The following DDX1 variants were observed in gnomAD, a reference collection of about 807,000 sequenced individuals.
DDX1 encodes the protein DEAD-box helicase 1.
Under a neutral mutation model 108.7 loss-of-function variants are expected in DDX1, and 28 were observed. That is an observed-to-expected ratio of 0.26 (90% CI 0.19 to 0.35). The LOEUF (loss-of-function observed/expected upper bound fraction) is 0.35. Ranked by LOEUF, DDX1 falls within the 10% of genes least tolerant of loss-of-function variation. The pLI is 1.00. For missense variants in DDX1, 710 were observed against 884.5 expected, an observed-to-expected ratio of 0.80 and a Z score of 2.50; for synonymous variants, 295 against 288.9, an observed-to-expected ratio of 1.02 and a Z score of -0.21.
chr2:15,600,644 A>C (rs1010767689), intron 6 of DDX1, among the ~76,000 whole-genome samples: 1 of 152,022 alleles, frequency 6.6e-6, no homozygotes, highest in African/African-American at 2.4e-5. Context: ...ATGTAGTCTC[A>C]CATCAAGGGC....
chr2:15,628,343 C>T (rs1666132813), intron 20 of DDX1, 102 bp from the exon 21 acceptor site: 1 of 844,678 alleles, frequency 1.2e-6, no homozygotes, highest in Non-Finnish European at 1.9e-6. Flanking sequence ...GATAGTAACA[C>T]TTGAGTTTTT....
Position 15,629,656 on chromosome 2 carries a change from A to T in DDX1, c.1930A>T (p.Lys644Ter). 1 of 1,589,374 alleles carries T rather than the reference A, an allele frequency of 6.3e-7. No individual in the cohort carries two copies. Among genetic ancestry groups the T allele is most frequent in the Non-Finnish European group, 8.5e-7 (1 of 1,172,604 alleles). The stretch of plus-strand genomic sequence containing the variant: ...AAAAGGGTGTTATAACACAAGACTC[A>T]AGGAAGATGGAGGCTGTACCATATG... The part of the protein sequence containing the change: ...RGKGCYNTRL[K>*]EDGGCTIWYN... The change falls in exon 24 of 26, where the codon AAG becomes TAG. Residue 644 changes from lysine to a stop codon, truncating the protein, a stop_gained. Transcript: ENST00000233084. LOFTEE classifies it high-confidence loss of function.
At chr2:15,610,554 G>T (rs748106064) in intron 13 of DDX1, among the ~76,000 whole-genome samples, 2 of 152,192 alleles carry the variant, frequency 1.3e-5, no homozygotes, top group Non-Finnish European at 2.9e-5. Flanking sequence ...AGGGTACTGT[G>T]AAAAGTGAGT....
At chr2:15,609,775 T>C (rs576388492) in intron 13 of DDX1, among the ~76,000 whole-genome samples, 88 of 152,194 alleles carry the variant, frequency 5.8e-4, no homozygotes, top group Non-Finnish European at 1.1e-3. Context: ...TTTAGGACAA[T>C]AGTCCAAACC....
At chr2:15,628,889 G>T (rs1200429070) in intron 23 of DDX1, 50 bp downstream of exon 23, 1 of 1,542,042 alleles carries the variant, frequency 6.5e-7, no homozygotes, top group South Asian at 1.1e-5. Flanking sequence ...TGTGATTTTA[G>T]ATGTTGGAAA....
intron 1 of DDX1, among the ~76,000 whole-genome samples, chr2:15,592,296 T>G (rs1013119462): frequency 5.3e-5 from 8 of 152,302 alleles, no homozygotes; most frequent in South Asian, 2.1e-4. Flanking sequence ...CCTCTTAACG[T>G]GGCAGTGACC....
In DDX1 at chr2:15,611,456, G is replaced by C. The variant is rs558333848; in HGVS notation, c.957-1768G>C. Among the ~76,000 whole-genome samples the C allele has an allele frequency of 7.5e-5, 11 of 146,174 alleles. No homozygotes were observed. The South Asian group carries it at 2.4e-3, about 32-fold the overall frequency. On this transcript the variant is annotated intron_variant, in intron 13 of 25. Transcript: ENST00000233084. Reference sequence around the variant, plus strand: ...GAGGGGCTCCTCACCTCCCAGTAGGGACGGCCGGGCAGAGGCTCCCCCCAC... The same window carrying C: ...GAGGGGCTCCTCACCTCCCAGTAGGCACGGCCGGGCAGAGGCTCCCCCCAC...
intron 13 of DDX1, 139 bp from the exon 14 acceptor site, chr2:15,613,085 C>A: frequency 1.7e-6 from 1 of 599,880 alleles, no homozygotes; most frequent in Non-Finnish European, 2.9e-6. Flanking sequence ...TTCCCCCAGA[C>A]TTGTTTTATT....
chr2:15,608,361 C>G (rs1408890706), intron 13 of DDX1, among the ~76,000 whole-genome samples: 2 of 152,080 alleles, frequency 1.3e-5, no homozygotes, highest in Non-Finnish European at 2.9e-5. Flanking sequence ...AACCCCATCT[C>G]TACTAAAATA....
intron 5 of DDX1, among the ~76,000 whole-genome samples, chr2:15,597,681 T>C (rs1263360830): frequency 6.6e-6 from 1 of 152,180 alleles, no homozygotes; most frequent in African/African-American, 2.4e-5. Flanking sequence ...ACTAATAGTG[T>C]TCCCTTTGAG....
intron 5 of DDX1, among the ~76,000 whole-genome samples, chr2:15,598,755 A>G (rs1426489544): frequency 6.6e-6 from 1 of 152,222 alleles, no homozygotes; most frequent in Non-Finnish European, 1.5e-5. Context: ...CCGTGAGTGG[A>G]AAGTTGGTCT....
At position 15,606,130 on chromosome 2, in the gene DDX1, T is replaced by C. The variant is rs757075045; in HGVS notation, c.703-20T>C. 17 of 1,599,628 alleles carry C rather than the reference T, an allele frequency of 1.1e-5. No homozygotes were observed. Among genetic ancestry groups the C allele is most frequent in the Non-Finnish European group, 1.5e-5 (17 of 1,168,380 alleles). On this transcript the variant is annotated intron_variant, in intron 11 of 25. Transcript: ENST00000233084. The stretch of plus-strand genomic sequence containing the variant: ...TCAATTAGGGTAGGAATTTTAATTT[T>C]CTGTTTTATTCAATGCTAGAATGCT...
chr2:15,607,215 T>C lies in DDX1; in HGVS notation c.858T>C (p.Ala286=). The change falls in exon 13 of 26, where the codon GCT becomes GCC. Residue 286 remains alanine (A), a synonymous_variant. Coordinates refer to ENST00000233084, the MANE Select transcript of DDX1 (RefSeq NM_004939.3). ...CACAAACAAAGTTTCTCCCCAATGCTCCGAAAGCTCTCATTGTTGAACCTT... is the reference window on the plus strand; with the variant it reads ...CACAAACAAAGTTTCTCCCCAATGCCCCGAAAGCTCTCATTGTTGAACCTT... The part of the protein sequence containing the change: ...QVTQTKFLPN[A]PKALIVEPSR... 6.2e-7 allele frequency: 1 copy of C among 1,614,036 alleles called. No individual in the cohort carries two copies.
chr2:15,630,707 C>T, intron 25 of DDX1, 69 bp from the exon 26 acceptor site: 1 of 1,528,940 alleles, frequency 6.5e-7, no homozygotes. Context: ...TATAATTGAG[C>T]CAAAGTATTG....
rs564691233 is a variant in DDX1, at chr2:15,610,184, C to T, written c.956+2871C>T. On this transcript the variant is annotated intron_variant, in intron 13 of 25. Transcript: ENST00000233084. ...TGGCCTCAAGCAATCCTTGTGTCTC[C>T]GCCTCCGAAAGTGCTGGATTATAGG... 5.9e-5 allele frequency among the ~76,000 whole-genome samples: 9 copies of T among 152,140 alleles called. No individual in the cohort carries two copies. The South Asian group carries it at 8.3e-4, about 14-fold the overall frequency.
At chr2:15,595,590 G>T (rs776831826) in intron 3 of DDX1, 37 bp downstream of exon 3, 22 of 1,400,352 alleles carry the variant, frequency 1.6e-5, no homozygotes, top group Admixed American at 5.0e-5. Flanking sequence ...GGTAGCTGGG[G>T]ACACACTCTA....
At chr2:15,629,953 G>T (rs1381057682) in intron 24 of DDX1, 37 bp from the exon 25 acceptor site, 2 of 1,546,702 alleles carry the variant, frequency 1.3e-6, no homozygotes, top group South Asian at 1.2e-5. Context: ...CTTTCTAAAT[G>T]AAATTTTTAT....
At chr2:15,592,009 G>A in intron 1 of DDX1, 60 bp downstream of exon 1, 1 of 1,340,516 alleles carries the variant, frequency 7.5e-7, no homozygotes, top group Non-Finnish European at 9.7e-7. Flanking sequence ...CAGCCCTGGG[G>A]CCGCCCGCGG....
chr2:15,613,151 G>T, intron 13 of DDX1, 73 bp from the exon 14 acceptor site: 1 of 983,202 alleles, frequency 1.0e-6, no homozygotes, highest in Non-Finnish European at 1.5e-6. Flanking sequence ...AAAATAAATG[G>T]ATGCAGATCA....
Sources: allele counts gnomAD v4.1 joint callset (sites outside exome capture counted in the v4.1 genomes callset), GRCh38; gene constraint gnomAD v4.1.1; transcripts MANE v1.5; gene names NCBI Gene and HGNC (gene_info 2026-07-23, HGNC 2026-07-21).